The following RIMKLA variants were observed in gnomAD, a reference collection of about 807,000 sequenced individuals.
RIMKLA encodes N-acetylaspartylglutamate synthase A.
In RIMKLA, 14 loss-of-function variants were observed where a neutral mutation model predicts 32.7. The ratio of observed to expected loss-of-function variants is 0.43; its 90% confidence interval spans 0.28 to 0.67. The LOEUF (loss-of-function observed/expected upper bound fraction) is 0.67, where lower values mean the gene tolerates loss of function less well. Among genes scored for constraint, RIMKLA ranks in the 30% least tolerant of loss-of-function variants. RIMKLA has a pLI of 0.18. For missense variants in RIMKLA, 410 were observed against 519.0 expected, an observed-to-expected ratio of 0.79 and a Z score of 2.04; for synonymous variants, 176 against 204.1, an observed-to-expected ratio of 0.86 and a Z score of 1.18.
At chr1:42,398,127 G>A (rs1643063545) in intron 1 of RIMKLA, among the ~76,000 whole-genome samples, 1 of 152,148 alleles carries the variant, frequency 6.6e-6, no homozygotes, top group Non-Finnish European at 1.5e-5. Flanking sequence ...CGTGCAGCAG[G>A]CACTATTCTA....
chr1:42,402,358 A>C (rs1557755264), intron 2 of RIMKLA, among the ~76,000 whole-genome samples: 1 of 152,184 alleles, frequency 6.6e-6, no homozygotes, highest in Non-Finnish European at 1.5e-5. Flanking sequence ...AAGAGGGCCC[A>C]ATGTTGTATA....
chr1:42,421,270 G>A lies in RIMKLA; in HGVS notation c.*6296G>A, dbSNP rs993563446. 1 of 152,262 alleles carries A rather than the reference G, an allele frequency of 6.6e-6. No individual in the cohort carries two copies. Among genetic ancestry groups the A allele is most frequent in the Non-Finnish European group, 1.5e-5 (1 of 68,058 alleles). The allele number at this position is 152,262 out of a possible 1,614,324, so 9.4% of individuals were successfully genotyped here. Reference sequence around the variant, plus strand: ...CCTGACCTTGGATGATTTAGCACCTGGGTTTTTTGGCTCTTCCTGTATTAG... The same window carrying A: ...CCTGACCTTGGATGATTTAGCACCTAGGTTTTTTGGCTCTTCCTGTATTAG... On this transcript the variant is annotated 3_prime_UTR_variant, in exon 5 of 5. Coordinates refer to ENST00000431473, the MANE Select transcript of RIMKLA (RefSeq NM_173642.4). This position sits in a 1 kb window ranked among gnomAD's most constrained non-coding sequence, Gnocchi z 4.6.
At chr1:42,391,434 G>C (rs967027161) in intron 1 of RIMKLA, among the ~76,000 whole-genome samples, 1 of 152,086 alleles carries the variant, frequency 6.6e-6, no homozygotes, top group African/African-American at 2.4e-5. Context: ...AATCAGGAGC[G>C]AGGAGGATAT....
At chr1:42,387,956 C>T (rs968551904) in intron 1 of RIMKLA, among the ~76,000 whole-genome samples, 3 of 152,114 alleles carry the variant, frequency 2.0e-5, no homozygotes, top group African/African-American at 7.2e-5. Flanking sequence ...GGTCCTCACC[C>T]AGAAGATGAT....
At chr1:42,396,638 T>G (rs1014295131) in intron 1 of RIMKLA, 1 of 152,222 alleles carries the variant, frequency 6.6e-6, no homozygotes, top group Non-Finnish European at 1.5e-5. Flanking sequence ...GGTCTCATGT[T>G]GGGATTTGAA....
chr1:42,407,895 C>G (rs1337915744), intron 3 of RIMKLA, among the ~76,000 whole-genome samples: 1 of 151,976 alleles, frequency 6.6e-6, no homozygotes, highest in Non-Finnish European at 1.5e-5. Flanking sequence ...TTTTTTCCTT[C>G]TTGCCTTAAA....
chr1:42,420,460 CCT>C lies in RIMKLA; in HGVS notation c.*5487_*5488del, dbSNP rs1171805897. 1 of 152,184 alleles carries C rather than the reference CCT, an allele frequency of 6.6e-6. No homozygotes were observed. Among genetic ancestry groups the C allele is most frequent in the African/African-American group, 2.4e-5 (1 of 41,430 alleles). The allele number at this position is 152,184 out of a possible 1,614,324, so 9.4% of individuals were successfully genotyped here. A position where few individuals can be genotyped will look rare whatever the true frequency, so the allele number is the denominator to read the frequency against. On this transcript the variant is annotated 3_prime_UTR_variant, in exon 5 of 5. Coordinates refer to ENST00000431473, the MANE Select transcript of RIMKLA (RefSeq NM_173642.4). ...CACTCACCTTCCACTCCACGTGGTC[CCT>C]GTCTCCTGTCCTTGGGACAGAGCAG...
At chr1:42,386,021 G>A (rs1378961305) in intron 1 of RIMKLA, among the ~76,000 whole-genome samples, 4 of 150,616 alleles carry the variant, frequency 2.7e-5, no homozygotes, top group Non-Finnish European at 4.4e-5. Flanking sequence ...TCCCGGGTTC[G>A]TGCAGTTCTC....
At chr1:42,394,022 T>A (rs946729370) in intron 1 of RIMKLA, among the ~76,000 whole-genome samples, 7 of 152,206 alleles carry the variant, frequency 4.6e-5, no homozygotes, top group African/African-American at 1.7e-4. Flanking sequence ...TGACCTCAGG[T>A]GATCTGCCTG....
chr1:42,391,705 G>A (rs1201775566), intron 1 of RIMKLA, among the ~76,000 whole-genome samples: 1 of 152,178 alleles, frequency 6.6e-6, no homozygotes, highest in Non-Finnish European at 1.5e-5. Context: ...ACAGTCCAGG[G>A]AAATGATGTG....
intron 3 of RIMKLA, among the ~76,000 whole-genome samples, chr1:42,408,411 G>T (rs1412522662): frequency 6.6e-6 from 1 of 152,118 alleles, no homozygotes; most frequent in Non-Finnish European, 1.5e-5. Context: ...CTAGGGACTG[G>T]TGTATTTGTT....
rs1295979812 is a variant in RIMKLA at position 42,422,048 on chromosome 1, C to T, written c.*7074C>T. 6.6e-6 allele frequency: 1 copy of T among 152,094 alleles called. No homozygotes were observed. The highest frequency in any genetic ancestry group is 1.5e-5 in the Non-Finnish European group (1 of 68,040). The allele number at this position is 152,094 out of a possible 1,614,324, so 9.4% of individuals were successfully genotyped here. A position where few individuals can be genotyped will look rare whatever the true frequency, so the allele number is the denominator to read the frequency against. On this transcript the variant is annotated 3_prime_UTR_variant, in exon 5 of 5. Coordinates refer to ENST00000431473, the MANE Select transcript of RIMKLA (RefSeq NM_173642.4). ...ATTGGCAAACACTCTATATCAAGACCCCCCTCCCCGAGAGCTGGTTGTTAA... is the reference window on the plus strand; with the variant it reads ...ATTGGCAAACACTCTATATCAAGACTCCCCTCCCCGAGAGCTGGTTGTTAA...
rs1209868650 is a variant in RIMKLA, at chr1:42,410,023, C to A, written c.521C>A (p.Ser174Tyr). Residue 174 changes from serine to tyrosine, a missense_variant, in exon 4 of 5, where the codon TCT (serine) becomes TAT (tyrosine). Coordinates refer to ENST00000431473, the MANE Select transcript of RIMKLA (RefSeq NM_173642.4). ...CTGGCAAGAGATAAACATCACCTCT[C>A]TGACATCTGCCATCTGATCCGCCAC... ...VFLARDKHHL[S>Y]DICHLIRHDV... 6.2e-7 allele frequency: 1 copy of A among 1,614,172 alleles called. No individual in the cohort carries two copies. Among genetic ancestry groups the A allele is most frequent in the Admixed American group, 1.7e-5 (1 of 60,012 alleles).
chr1:42,386,880 CAAATAAAT>C (rs151298858), intron 1 of RIMKLA, among the ~76,000 whole-genome samples: 3,268 of 121,072 alleles, frequency 0.027, 47 homozygotes, highest in Non-Finnish European at 0.036. Context: ...GACTCCATCT[CAAATAAAT>C]AAATAAATAA....
In RIMKLA at chr1:42,416,847, G is replaced by C. The variant is rs929692817; in HGVS notation, c.*1873G>C. On this transcript the variant is annotated 3_prime_UTR_variant, in exon 5 of 5. Transcript: ENST00000431473. ...TAGTTGTGCAATTGACAAATGTTTG[G>C]TGCCATGTAATGGAGATGTCACACT... The C allele has an allele frequency of 1.3e-5, 2 of 152,218 alleles. No individual in the cohort carries two copies. The highest frequency in any genetic ancestry group is 2.9e-5 in the Non-Finnish European group (2 of 68,032). 9.4% of individuals were successfully genotyped at this position (152,218 alleles called of 1,614,324 possible).
Position 42,412,907 on chromosome 1 carries a change from G to A in RIMKLA, c.686-1577G>A, listed in dbSNP as rs564526535. 222 of 204,804 alleles carry A rather than the reference G, an allele frequency of 1.1e-3. 6 individuals are homozygous for A. The South Asian group carries it at 0.014, about 13-fold the overall frequency. 12.7% of individuals were successfully genotyped at this position (204,804 alleles called of 1,614,324 possible). A position where few individuals can be genotyped will look rare whatever the true frequency, so the allele number is the denominator to read the frequency against. On this transcript the variant is annotated intron_variant, in intron 4 of 4. Transcript: ENST00000431473. ...TCCCAGCACTTTGGGAGGCTGAGGC[G>A]GGCAGATCACAAGGTCAAGAGATCG...
intron 3 of RIMKLA, among the ~76,000 whole-genome samples, chr1:42,407,121 G>A (rs569418563): frequency 2.0e-5 from 3 of 151,996 alleles, no homozygotes; most frequent in Non-Finnish European, 4.4e-5. Context: ...GCCCAGGCTG[G>A]TCTCAAACTC....
chr1:42,392,259 C>G (rs1643005739), intron 1 of RIMKLA, among the ~76,000 whole-genome samples: 1 of 152,170 alleles, frequency 6.6e-6, no homozygotes, highest in African/African-American at 2.4e-5. Context: ...TCCCTGGACC[C>G]TGATGTAGGT....
chr1:42,423,504 G>T lies in RIMKLA; in HGVS notation c.*8530G>T, dbSNP rs766106918. 6.6e-6 allele frequency among the ~76,000 whole-genome samples: 1 copy of T among 152,152 alleles called. No homozygotes were observed. The highest frequency in any genetic ancestry group is 1.5e-5 in the Non-Finnish European group (1 of 68,036). On this transcript the variant is annotated 3_prime_UTR_variant, in exon 5 of 5. Transcript: ENST00000431473. ...AGCTCCATGGTAGACCAGCGTATTTGGTGAGAAAGGAAGTACTTTGGAAAG... is the reference window on the plus strand; with the variant it reads ...AGCTCCATGGTAGACCAGCGTATTTTGTGAGAAAGGAAGTACTTTGGAAAG...
Sources: gnomAD v4.1 joint callset for allele counts (sites outside exome capture counted in the v4.1 genomes callset) on GRCh38, gnomAD v4.1.1 for gene constraint, Gnocchi (gnomAD v3.1) non-coding constraint, MANE v1.5 for transcripts, NCBI Gene and HGNC (gene_info 2026-07-23, HGNC 2026-07-21) for gene names.